Variants in UNC5D observed in about 807,000 individuals in gnomAD.
UNC5D encodes unc-5 netrin receptor D, also known as netrin receptor UNC5D.
A neutral mutation model predicts 105.4 loss-of-function variants in UNC5D; 39 were observed. The ratio of observed to expected loss-of-function variants is 0.37; its 90% CI spans 0.29 to 0.48. The LOEUF (loss-of-function observed/expected upper bound fraction) is 0.48, where lower values mean the gene tolerates loss of function less well. Among genes scored for constraint, UNC5D ranks in the 20% least tolerant of loss-of-function variants. UNC5D has a pLI of 0.98. For synonymous variants in UNC5D, 452 were observed against 450.4 expected (o/e 1.00, Z -0.04); for missense variants, 991 against 1,202.4 (o/e 0.82, Z 2.60).
chr8:35,784,329 G>A (rs1456850552), intron 16 of UNC5D, among the ~76,000 whole-genome samples: 1 of 152,096 alleles, frequency 6.6e-6, no homozygotes, highest in Non-Finnish European at 1.5e-5. Flanking sequence ...GCTTGTCCCT[G>A]TATTTTACAG....
chr8:35,659,922 G>A (rs1824009656), intron 4 of UNC5D, among the ~76,000 whole-genome samples: 1 of 152,176 alleles, frequency 6.6e-6, no homozygotes, highest in South Asian at 2.1e-4. Context: ...GAATAGAGCA[G>A]CAGTCAGCTT....
intron 3 of UNC5D, among the ~76,000 whole-genome samples, chr8:35,585,526 ATGTGTG>A (rs10570182): frequency 0.095 from 14,094 of 148,850 alleles, 661 homozygotes; most frequent in Middle Eastern, 0.12. Context: ...CAACCATAAT[ATGTGTG>A]TGTGTGTGTG....
chr8:35,351,168 G>A (rs990808042), intron 1 of UNC5D, among the ~76,000 whole-genome samples: 5 of 151,942 alleles, frequency 3.3e-5, no homozygotes, highest in Non-Finnish European at 7.4e-5. Context: ...AGGAATCCAC[G>A]TGTGCAAATA....
intron 4 of UNC5D, among the ~76,000 whole-genome samples, chr8:35,652,407 G>A (rs969005254): frequency 6.6e-6 from 1 of 152,052 alleles, no homozygotes; most frequent in Non-Finnish European, 1.5e-5. Context: ...TAGAAAATGA[G>A]GATGTACCTA....
intron 4 of UNC5D, among the ~76,000 whole-genome samples, chr8:35,673,215 A>G (rs1272228323): frequency 6.6e-6 from 1 of 152,202 alleles, no homozygotes; most frequent in East Asian, 1.9e-4. Context: ...ACATGATAGT[A>G]CTGTTATAAA....
chr8:35,291,970 A>G (rs766785053), intron 1 of UNC5D, among the ~76,000 whole-genome samples: 7 of 152,218 alleles, frequency 4.6e-5, no homozygotes, highest in Non-Finnish European at 7.3e-5. Context: ...TTCGTTATCC[A>G]TGAACATTCA....
intron 1 of UNC5D, among the ~76,000 whole-genome samples, chr8:35,495,160 G>A (rs752642532): frequency 8.5e-5 from 13 of 152,104 alleles, no homozygotes; most frequent in Non-Finnish European, 1.3e-4. Context: ...TTTTAATCAC[G>A]GGGCAAAGAG....
At chr8:35,367,792 G>A (rs571938056) in intron 1 of UNC5D, among the ~76,000 whole-genome samples, 29 of 152,204 alleles carry the variant, frequency 1.9e-4, no homozygotes, top group Admixed American at 8.5e-4. Context: ...GGTCTCCTTC[G>A]CTTGTTCTAC....
At chr8:35,563,267 CCT>C (rs1440659285) in intron 2 of UNC5D, among the ~76,000 whole-genome samples, 1 of 146,314 alleles carries the variant, frequency 6.8e-6, no homozygotes, top group Admixed American at 7.1e-5. Flanking sequence ...TTGTGTATGT[CCT>C]CTTCGATTTC....
intron 2 of UNC5D, among the ~76,000 whole-genome samples, chr8:35,561,274 C>T (rs553331961): frequency 6.6e-6 from 1 of 152,244 alleles, no homozygotes; most frequent in East Asian, 1.9e-4. Flanking sequence ...CCAACAACGC[C>T]ACAGAGCCCA....
chr8:35,754,620 G>T (rs907387310), intron 13 of UNC5D, among the ~76,000 whole-genome samples: 5 of 152,056 alleles, frequency 3.3e-5, no homozygotes, highest in African/African-American at 1.2e-4. Context: ...AACTGGGTGG[G>T]GACCAGGCAA....
At chr8:35,634,853 G>A (rs1236744657) in intron 4 of UNC5D, among the ~76,000 whole-genome samples, 3 of 150,898 alleles carry the variant, frequency 2.0e-5, no homozygotes, top group African/African-American at 7.3e-5. Flanking sequence ...GGCAACCTCC[G>A]ACTACCAGGT....
chr8:35,473,547 T>G (rs1809884986), intron 1 of UNC5D, among the ~76,000 whole-genome samples: 1 of 152,150 alleles, frequency 6.6e-6, no homozygotes, highest in South Asian at 2.1e-4. Context: ...AGAATTCACT[T>G]TACAAGCTCG....
At chr8:35,446,332 T>G (rs1807794227) in intron 1 of UNC5D, among the ~76,000 whole-genome samples, 1 of 152,094 alleles carries the variant, frequency 6.6e-6, no homozygotes, top group Non-Finnish European at 1.5e-5. Flanking sequence ...CATATTACAT[T>G]GTCTCTATGC....
At chr8:35,733,463 G>A (rs1829301711) in intron 11 of UNC5D, among the ~76,000 whole-genome samples, 1 of 152,140 alleles carries the variant, frequency 6.6e-6, no homozygotes, top group Non-Finnish European at 1.5e-5. Flanking sequence ...CTGAGAAGAA[G>A]GCCCGTTTTC....
Position 35,680,873 on chromosome 8 carries a change from G to A in UNC5D, c.571-2674G>A, listed in dbSNP as rs1276572414. Among the ~76,000 whole-genome samples the A allele has an allele frequency of 5.3e-5, 8 of 152,252 alleles. No individual in the cohort carries two copies. In the East Asian group the frequency reaches 7.7e-4, roughly 15 times the overall value. ...GCATGAAAGAAGAGGACAGCTGAGC[G>A]GGGAACATAGGAGAAGTGCTTGCTA... On this transcript the variant is annotated intron_variant, in intron 4 of 16. Transcript: ENST00000404895.
Position 35,792,973 on chromosome 8 carries a change from T to G in UNC5D, c.*2410T>G. The G allele has an allele frequency of 2.2e-6, 1 of 453,538 alleles. No individual in the cohort carries two copies. The highest frequency in any genetic ancestry group is 4.4e-6 in the Non-Finnish European group (1 of 226,254). 28.1% of individuals were successfully genotyped at this position (453,538 alleles called of 1,614,324 possible). A position where few individuals can be genotyped will look rare whatever the true frequency, so the allele number is the denominator to read the frequency against. On this transcript the variant is annotated 3_prime_UTR_variant, in exon 17 of 17. Coordinates refer to ENST00000404895, the MANE Select transcript of UNC5D (RefSeq NM_080872.4). ...TCTGGAGTTACCTCCCATGGATTTT[T>G]TTTTCCTTTGGCCTGGGTTTTATAA...
At chr8:35,405,180 A>G (rs1414113118) in intron 1 of UNC5D, among the ~76,000 whole-genome samples, 4 of 152,160 alleles carry the variant, frequency 2.6e-5, no homozygotes, top group African/African-American at 7.2e-5. Flanking sequence ...TTCCATGCCC[A>G]AATAGTGGTA....
At chr8:35,578,653 A>G (rs1052437576) in intron 3 of UNC5D, among the ~76,000 whole-genome samples, 2 of 152,146 alleles carry the variant, frequency 1.3e-5, no homozygotes, top group African/African-American at 2.4e-5. Context: ...GGGTTAATCA[A>G]TTTTTCTCCT....
Sources: allele counts gnomAD v4.1 joint callset (sites outside exome capture counted in the v4.1 genomes callset), GRCh38; gene constraint gnomAD v4.1.1; transcripts MANE v1.5; gene names NCBI Gene and HGNC (gene_info 2026-07-23, HGNC 2026-07-21).